Variants in FBRSL1 observed in about 807,000 individuals in gnomAD.
FBRSL1 encodes fibrosin like 1.
Under a neutral mutation model 89.6 loss-of-function variants are expected in FBRSL1, and 51 were observed. That is an observed-to-expected ratio of 0.57 (90% CI 0.45 to 0.72). FBRSL1 has a LOEUF of 0.72. Ranked by LOEUF, FBRSL1 falls within the 30% of genes least tolerant of loss-of-function variation. FBRSL1 has a pLI of 0.00. For missense variants in FBRSL1, 1,618 were observed against 1,451.8 expected (o/e 1.11, Z -1.86); for synonymous variants, 779 against 681.1 (o/e 1.14, Z -2.24).
At chr12:132,524,247 A>G (rs1593337170) in intron 2 of FBRSL1, among the ~76,000 whole-genome samples, 1 of 152,092 alleles carries the variant, frequency 6.6e-6, no homozygotes, top group African/African-American at 2.4e-5. Flanking sequence ...CTAGCCCACC[A>G]CCCTGCCCCC....
intron 5 of FBRSL1, chr12:132,551,371 G>T: frequency 2.2e-6 from 1 of 453,674 alleles, no homozygotes; most frequent in Non-Finnish European, 4.4e-6. Context: ...CACAGACAGC[G>T]TCCTGCGTGG....
At chr12:132,551,457 G>A (rs760287169) in intron 5 of FBRSL1, 2 of 456,212 alleles carry the variant, frequency 4.4e-6, no homozygotes, top group South Asian at 3.1e-5. Flanking sequence ...GCAGGTGGCA[G>A]TGCACCCCGA....
At chr12:132,517,706 G>A (rs373120714) in intron 2 of FBRSL1, among the ~76,000 whole-genome samples, 1 of 152,184 alleles carries the variant, frequency 6.6e-6, no homozygotes, top group Admixed American at 6.5e-5. Flanking sequence ...AGCCGAGCGG[G>A]CATGGGGTGG....
chr12:132,499,688 C>T lies in FBRSL1; in HGVS notation c.292-8465C>T, dbSNP rs117037316. On this transcript the variant is annotated intron_variant, in intron 1 of 18. Transcript: ENST00000680143. The surrounding 1 kb of genome is among the most constrained non-coding windows in gnomAD (Gnocchi z 4.3). ...GTGCCGGTGGCAGGCAGGCTGGAGA[C>T]AGCTGGGGGCTGTGGCTGGGGGGCT... Among the ~76,000 whole-genome samples the T allele has an allele frequency of 2.7e-5, 4 of 149,760 alleles. No individual in the cohort carries two copies. In the South Asian group the frequency reaches 8.6e-4, roughly 32 times the overall value.
intron 1 of FBRSL1, among the ~76,000 whole-genome samples, chr12:132,500,762 C>T (rs1381038316): frequency 1.3e-5 from 2 of 152,302 alleles, no homozygotes; most frequent in Middle Eastern, 3.4e-3. Context: ...GGAGCCCAGG[C>T]CCTGCAGACT....
chr12:132,536,164 C>G (rs201489159), intron 4 of FBRSL1, among the ~76,000 whole-genome samples: 3 of 149,654 alleles, frequency 2.0e-5, no homozygotes, highest in Non-Finnish European at 3.0e-5. Flanking sequence ...GTGTGCATGA[C>G]TGTGTACACG....
rs186610241 is a variant in FBRSL1 at position 132,529,113 on chromosome 12, C to T, written c.615+1125C>T. ...CTACAGATTGACGGCCTGCTGGGCT[C>T]GTGGGAGGGTGGGGGCCTGGACTCT... On this transcript the variant is annotated intron_variant, in intron 4 of 18. Transcript: ENST00000680143. Among the ~76,000 whole-genome samples the T allele has an allele frequency of 5.8e-4, 88 of 152,326 alleles. 2 individuals are homozygous for T. In the East Asian group the frequency reaches 0.016, roughly 27 times the overall value.
intron 2 of FBRSL1, among the ~76,000 whole-genome samples, chr12:132,522,869 G>A (rs568827877): frequency 1.9e-3 from 288 of 152,216 alleles, no homozygotes; most frequent in South Asian, 3.7e-3. Flanking sequence ...CGCACCTGCC[G>A]CCTGGCAGAC....
At chr12:132,551,483 G>A (rs77800373) in intron 5 of FBRSL1, 6,423 of 456,308 alleles carry the variant, frequency 0.014, 153 homozygotes, top group East Asian at 0.12. Flanking sequence ...CCTTCTGGAC[G>A]GAGTGGTGGG....
intron 2 of FBRSL1, among the ~76,000 whole-genome samples, chr12:132,512,695 C>T (rs1327795965): frequency 5.9e-5 from 9 of 152,304 alleles, no homozygotes; most frequent in East Asian, 1.9e-4. Context: ...CAGGCCTGAA[C>T]GGGCTGAGGG....
intron 1 of FBRSL1, chr12:132,507,183 C>T (rs1277661567): frequency 2.0e-6 from 2 of 985,524 alleles, no homozygotes; most frequent in African/African-American, 3.5e-5. Flanking sequence ...CAGTGGCTTC[C>T]CAGGGTTCTT....
At chr12:132,558,772 G>C (rs776149769) in intron 5 of FBRSL1, among the ~76,000 whole-genome samples, 7 of 152,354 alleles carry the variant, frequency 4.6e-5, no homozygotes, top group Non-Finnish European at 8.8e-5. Context: ...GATAGGCCCT[G>C]CCCGGGGCCA....
intron 18 of FBRSL1, 31 bp downstream of exon 18, chr12:132,582,297 C>G: frequency 6.5e-7 from 1 of 1,534,290 alleles, no homozygotes; most frequent in Non-Finnish European, 8.8e-7. Flanking sequence ...GTATCCCCAC[C>G]ACACACCCCT....
rs377445806 is a variant in FBRSL1 at position 132,567,537 on chromosome 12, C to T, written c.691+11C>T. ...CGGGAACCGATAAAGGTAAGTGGGT[C>T]CCCTCGGCCCAGCTCCTGGGCCTCT... On this transcript the variant is annotated intron_variant, in intron 6 of 18. Coordinates refer to ENST00000680143, the MANE Select transcript of FBRSL1 (RefSeq NM_001367871.1). 201 of 1,550,804 alleles carry T rather than the reference C, an allele frequency of 1.3e-4. 1 individual carries two copies. In the African/African-American group the frequency reaches 2.4e-3, roughly 19 times the overall value.
intron 5 of FBRSL1, chr12:132,565,895 T>G (rs1022575441): frequency 3.3e-5 from 5 of 152,204 alleles, no homozygotes; most frequent in African/African-American, 1.2e-4. Context: ...CAGACAGATT[T>G]GTGGTTTCCC....
intron 4 of FBRSL1, among the ~76,000 whole-genome samples, chr12:132,529,201 A>G (rs1440650433): frequency 6.6e-6 from 1 of 152,128 alleles, no homozygotes; most frequent in Non-Finnish European, 1.5e-5. Flanking sequence ...ACTAAACCAC[A>G]GCAGCTTTTT....
intron 6 of FBRSL1, among the ~76,000 whole-genome samples, chr12:132,567,773 C>T (rs577576304): frequency 4.6e-5 from 7 of 152,260 alleles, no homozygotes; most frequent in East Asian, 3.9e-4. Context: ...AGAGTGGAAC[C>T]GTTAGGAATG....
Position 132,567,383 on chromosome 12 carries a change from C to T in FBRSL1, c.646-98C>T, listed in dbSNP as rs577564319. The T allele has an allele frequency of 4.7e-6, 6 of 1,274,174 alleles. No individual in the cohort carries two copies. In the African/African-American group the frequency reaches 8.9e-5, roughly 19 times the overall value. The allele number at this position is 1,274,174 out of a possible 1,614,324, so 78.9% of individuals were successfully genotyped here. ...CAAGGGCACATCCCGCCTGGCCCTGCTGGAAAACCACCCAGACTTGTGTGT... is the reference window on the plus strand; with the variant it reads ...CAAGGGCACATCCCGCCTGGCCCTGTTGGAAAACCACCCAGACTTGTGTGT... On this transcript the variant is annotated intron_variant, in intron 5 of 18. Coordinates refer to ENST00000680143, the MANE Select transcript of FBRSL1 (RefSeq NM_001367871.1).
chr12:132,507,213 G>A (rs1443552993), intron 1 of FBRSL1: 2 of 985,460 alleles, frequency 2.0e-6, no homozygotes, highest in Admixed American at 6.1e-5. Context: ...TCTGACATGG[G>A]TTCTGTCCTG....
Sources: allele counts gnomAD v4.1 joint callset (sites outside exome capture counted in the v4.1 genomes callset), GRCh38; gene constraint gnomAD v4.1.1; non-coding constraint Gnocchi (gnomAD v3.1); transcripts MANE v1.5; gene names NCBI Gene and HGNC (gene_info 2026-07-23, HGNC 2026-07-21).